PRR16: variants seen among roughly 807,000 people sequenced by gnomAD.
The protein encoded by PRR16 is protein Largen.
Under a neutral mutation model 18.2 loss-of-function variants are expected in PRR16, and 6 were observed. The observed-to-expected ratio is 0.33, with a 90% CI of 0.18 to 0.65. The LOEUF (loss-of-function observed/expected upper bound fraction) is 0.65, where lower values mean the gene tolerates loss of function less well. Among genes scored for constraint, PRR16 ranks in the 30% least tolerant of loss-of-function variants. The pLI, the probability that PRR16 is intolerant of heterozygous loss-of-function variation, is 0.74. For missense variants in PRR16, 412 were observed against 376.6 expected (o/e 1.09, Z -0.78); for synonymous variants, 151 against 147.8 (o/e 1.02, Z -0.16).
chr5:120,661,330 A>C (rs1030829981), intron 1 of PRR16, among the ~76,000 whole-genome samples: 2 of 152,074 alleles, frequency 1.3e-5, no homozygotes, highest in African/African-American at 4.8e-5. Context: ...ATCTGAGACC[A>C]ACCTGACTTT....
chr5:120,617,100 C>A (rs1404732194), intron 1 of PRR16: 4 of 984,978 alleles, frequency 4.1e-6, no homozygotes, highest in Admixed American at 1.2e-4. Context: ...AACAGAAGCT[C>A]CATTACCTAC....
chr5:120,679,408 G>C (rs557379932), intron 1 of PRR16, among the ~76,000 whole-genome samples: 113 of 152,168 alleles, frequency 7.4e-4, no homozygotes, highest in African/African-American at 2.6e-3. Flanking sequence ...TATCATGCCT[G>C]TGGTTACTAT....
chr5:120,620,190 A>G (rs1024875176), intron 1 of PRR16, among the ~76,000 whole-genome samples: 3 of 152,194 alleles, frequency 2.0e-5, no homozygotes, highest in Admixed American at 1.3e-4. Flanking sequence ...AAGATTGTGG[A>G]ATTCCATAAT....
intron 1 of PRR16, among the ~76,000 whole-genome samples, chr5:120,606,858 G>A (rs945266830): frequency 1.3e-5 from 2 of 151,908 alleles, no homozygotes; most frequent in African/African-American, 4.8e-5. Context: ...AGTGAGCTAT[G>A]ATCACCACTG....
intron 1 of PRR16, among the ~76,000 whole-genome samples, chr5:120,624,509 C>G (rs896087046): frequency 6.6e-6 from 1 of 152,128 alleles, no homozygotes; most frequent in South Asian, 2.1e-4. Flanking sequence ...AATGTAAACA[C>G]TGGAGCCAGG....
intron 1 of PRR16, among the ~76,000 whole-genome samples, chr5:120,679,334 A>C (rs1756903560): frequency 6.6e-6 from 1 of 152,040 alleles, no homozygotes; most frequent in African/African-American, 2.4e-5. Context: ...CTCACCTCCA[A>C]ATGTCTGCAA....
At chr5:120,677,036 T>G (rs1189429740) in intron 1 of PRR16, among the ~76,000 whole-genome samples, 1 of 152,226 alleles carries the variant, frequency 6.6e-6, no homozygotes, top group Non-Finnish European at 1.5e-5. Flanking sequence ...TTCAATATAA[T>G]TTTACCTTTC....
chr5:120,700,918 G>A, the PRR16 span, among the ~76,000 whole-genome samples: 1 of 152,186 alleles, frequency 6.6e-6, no homozygotes, highest in Non-Finnish European at 1.5e-5. Context: ...AGAGTTCCAG[G>A]GGCTCTGGGA....
At chr5:120,774,583 T>TTA in the PRR16 span, among the ~76,000 whole-genome samples, 1 of 152,102 alleles carries the variant, frequency 6.6e-6, no homozygotes, top group Admixed American at 6.6e-5. Flanking sequence ...CAATAAAAGA[T>TTA]TATTTAGCAC....
At chr5:120,655,407 A>G (rs1054363439) in intron 1 of PRR16, among the ~76,000 whole-genome samples, 21 of 145,868 alleles carry the variant, frequency 1.4e-4, no homozygotes, top group African/African-American at 4.3e-4. Flanking sequence ...AGAGGTTTTT[A>G]TGGTCCCTAA....
intron 1 of PRR16, among the ~76,000 whole-genome samples, chr5:120,651,537 T>C (rs1158851956): frequency 6.6e-6 from 1 of 152,226 alleles, no homozygotes; most frequent in Non-Finnish European, 1.5e-5. Context: ...AGTTTCAGCT[T>C]TCTGCATATG....
chr5:120,713,137 T>C, the PRR16 span, among the ~76,000 whole-genome samples: 1 of 151,962 alleles, frequency 6.6e-6, no homozygotes, highest in Non-Finnish European at 1.5e-5. Flanking sequence ...CACGCACATA[T>C]ATTATTTAAC....
chr5:120,739,013 A>C, the PRR16 span, among the ~76,000 whole-genome samples: 3 of 152,170 alleles, frequency 2.0e-5, no homozygotes, highest in African/African-American at 7.2e-5. Context: ...GGCACTAACA[A>C]AGAATAAAAA....
chr5:120,759,682 A>G, the PRR16 span, among the ~76,000 whole-genome samples: 1 of 152,184 alleles, frequency 6.6e-6, no homozygotes, highest in Admixed American at 6.5e-5. Flanking sequence ...TACAAATTAA[A>G]AAATCAGTTA....
At chr5:120,479,364 T>C (rs1348077549) in intron 1 of PRR16, among the ~76,000 whole-genome samples, 1 of 152,162 alleles carries the variant, frequency 6.6e-6, no homozygotes, top group African/African-American at 2.4e-5. Flanking sequence ...TCTCCCTCAG[T>C]TTTTATAACT....
chr5:120,672,217 C>A (rs535325758), intron 1 of PRR16, among the ~76,000 whole-genome samples: 103 of 144,418 alleles, frequency 7.1e-4, no homozygotes, highest in African/African-American at 2.6e-3. Flanking sequence ...GGGGCTAATT[C>A]TTGAAGGGCA....
chr5:120,746,761 A>T, the PRR16 span, among the ~76,000 whole-genome samples: 1,696 of 152,204 alleles, frequency 0.011, 28 homozygotes, highest in African/African-American at 0.037. Context: ...AAACATTGTA[A>T]CGGAAAACCA....
chr5:120,471,754 T>C (rs1194331603), intron 1 of PRR16, among the ~76,000 whole-genome samples: 2 of 152,184 alleles, frequency 1.3e-5, no homozygotes, highest in East Asian at 3.9e-4. Context: ...CTGAATTAAA[T>C]TTCCCACAGG....
the PRR16 span, among the ~76,000 whole-genome samples, chr5:120,720,717 C>G: frequency 6.6e-6 from 1 of 151,902 alleles, no homozygotes; most frequent in African/African-American, 2.4e-5. Context: ...CTGCATTATG[C>G]AAAATTTTAT....
Sources: allele counts gnomAD v4.1 joint callset (sites outside exome capture counted in the v4.1 genomes callset), GRCh38; gene constraint gnomAD v4.1.1; transcripts MANE v1.5; gene names NCBI Gene and HGNC (gene_info 2026-07-23, HGNC 2026-07-21).